Variants in EFCAB11 observed in about 807,000 individuals in gnomAD.
The protein encoded by EFCAB11 is EF-hand calcium-binding domain-containing protein 11.
EFCAB11 carries 14 observed loss-of-function variants against 23.0 expected under a neutral mutation model. The observed-to-expected ratio is 0.61, with a 90% CI of 0.40 to 0.95. EFCAB11 has a LOEUF of 0.95. EFCAB11 is among the 40% of genes least tolerant of loss of function. The probability of loss-of-function intolerance (pLI) is 0.00; values close to 1 mark genes in which losing one functional copy is unlikely to be tolerated. For synonymous variants in EFCAB11, 65 were observed against 66.6 expected (o/e 0.98, Z 0.11); for missense variants, 198 against 195.8 (o/e 1.01, Z -0.07).
chr14:89,801,981 G>T (rs1210851737), intron 5 of EFCAB11, among the ~76,000 whole-genome samples: 1 of 137,442 alleles, frequency 7.3e-6, no homozygotes, highest in Admixed American at 7.4e-5. Flanking sequence ...GCGATAGTGC[G>T]AGACTCTGTC....
chr14:89,954,256 C>T (rs1891334643), intron 1 of EFCAB11: 1 of 1,284,186 alleles, frequency 7.8e-7, no homozygotes, highest in South Asian at 1.3e-5. Context: ...TCATTTAGGC[C>T]ACTGAGATAA....
intron 5 of EFCAB11, among the ~76,000 whole-genome samples, chr14:89,808,458 T>C (rs758753051): frequency 5.3e-5 from 8 of 152,182 alleles, no homozygotes; most frequent in Non-Finnish European, 1.2e-4. Flanking sequence ...TATATAAAAA[T>C]TAAGATTTGC....
chr14:89,918,048 A>G (rs528125449), intron 5 of EFCAB11, among the ~76,000 whole-genome samples: 6 of 152,306 alleles, frequency 3.9e-5, no homozygotes, highest in African/African-American at 1.2e-4. Flanking sequence ...GACAGGGGAC[A>G]ACTGGAGGTA....
intron 5 of EFCAB11, among the ~76,000 whole-genome samples, chr14:89,883,054 C>A (rs1264614361): frequency 6.6e-6 from 1 of 152,106 alleles, no homozygotes; most frequent in African/African-American, 2.4e-5. Context: ...CTCCCCTTTG[C>A]CTTCCACCAA....
In EFCAB11 at chr14:89,856,604, T is replaced by C. The variant is rs368168026; in HGVS notation, c.411-59280A>G. On this transcript the variant is annotated intron_variant, in intron 5 of 5. Coordinates refer to ENST00000316738, the MANE Select transcript of EFCAB11 (RefSeq NM_145231.4). ...ACCTTTGCCAATATTGGTTATCTTT[T>C]AACTTTTTGATAATAGCCATCCTAA... 4.6e-5 allele frequency among the ~76,000 whole-genome samples: 7 copies of C among 152,348 alleles called. No individual in the cohort carries two copies. The East Asian group carries it at 1.2e-3, about 25-fold the overall frequency.
chr14:89,950,165 A>T, intron 2 of EFCAB11, 23 bp from the exon 3 acceptor site: 2 of 1,546,918 alleles, frequency 1.3e-6, no homozygotes, highest in Non-Finnish European at 1.8e-6. Flanking sequence ...AAAAAATAAT[A>T]GAACATGTAA....
At position 89,931,639 on chromosome 14, in the gene EFCAB11, A is replaced by G; in HGVS notation, c.320-8T>C. ...AAGTTAAAAATCCACGATCTATTTG[A>G]AAACAATAAAAAATATTCACTTACT... On this transcript the variant is annotated splice_polypyrimidine_tract_variant and splice_region_variant and intron_variant, in intron 4 of 5. Coordinates refer to ENST00000316738, the MANE Select transcript of EFCAB11 (RefSeq NM_145231.4). 6.2e-7 allele frequency: 1 copy of G among 1,610,498 alleles called. No homozygotes were observed. Among genetic ancestry groups the G allele is most frequent in the Middle Eastern group, 1.7e-4 (1 of 6,054 alleles).
intron 5 of EFCAB11, among the ~76,000 whole-genome samples, chr14:89,806,564 C>T (rs946677889): frequency 2.0e-5 from 3 of 152,090 alleles, no homozygotes; most frequent in African/African-American, 7.2e-5. Flanking sequence ...AATCTGTTTC[C>T]TACACTTCTG....
At chr14:89,893,771 C>T (rs1889062398) in intron 5 of EFCAB11, among the ~76,000 whole-genome samples, 2 of 142,748 alleles carry the variant, frequency 1.4e-5, no homozygotes, top group South Asian at 4.7e-4. Flanking sequence ...TCTGCACACT[C>T]GTCTCCAAAA....
At chr14:89,853,370 G>C (rs1359933416) in intron 5 of EFCAB11, among the ~76,000 whole-genome samples, 7 of 152,194 alleles carry the variant, frequency 4.6e-5, no homozygotes, top group African/African-American at 1.7e-4. Flanking sequence ...AATATATATT[G>C]TTAGCATTTA....
chr14:89,872,916 G>A (rs1439459759), intron 5 of EFCAB11, among the ~76,000 whole-genome samples: 2 of 152,128 alleles, frequency 1.3e-5, no homozygotes, highest in African/African-American at 4.8e-5. Context: ...GTAGCCATCT[G>A]CAAGCCAAAG....
At chr14:89,890,771 G>A (rs148944510) in intron 5 of EFCAB11, among the ~76,000 whole-genome samples, 1 of 152,366 alleles carries the variant, frequency 6.6e-6, no homozygotes, top group African/African-American at 2.4e-5. Flanking sequence ...TTGCCCTGAA[G>A]GCATTCACTC....
At chr14:89,930,476 A>C (rs747724472) in intron 5 of EFCAB11, among the ~76,000 whole-genome samples, 18 of 152,192 alleles carry the variant, frequency 1.2e-4, no homozygotes, top group Non-Finnish European at 1.0e-4. Flanking sequence ...GCAGCTGTGC[A>C]TGACCTTGGA....
chr14:89,802,221 A>AAAAG (rs1316562801), intron 5 of EFCAB11, among the ~76,000 whole-genome samples: 3 of 151,652 alleles, frequency 2.0e-5, no homozygotes, highest in Admixed American at 6.6e-5. Flanking sequence ...AAAAAAAAAA[A>AAAAG]AAAGAAAGAA....
intron 5 of EFCAB11, among the ~76,000 whole-genome samples, chr14:89,805,444 G>T (rs542650961): frequency 6.6e-6 from 1 of 152,188 alleles, no homozygotes; most frequent in Non-Finnish European, 1.5e-5. Context: ...AATTTTGCTT[G>T]CAAGTTGAGA....
chr14:89,903,119 G>C (rs1488713671), intron 5 of EFCAB11, among the ~76,000 whole-genome samples: 1 of 152,206 alleles, frequency 6.6e-6, no homozygotes, highest in African/African-American at 2.4e-5. Flanking sequence ...TACATGTCTA[G>C]TAGAATTTGA....
At chr14:89,820,631 T>C (rs1886484267) in intron 5 of EFCAB11, among the ~76,000 whole-genome samples, 2 of 152,086 alleles carry the variant, frequency 1.3e-5, no homozygotes, top group Non-Finnish European at 2.9e-5. Context: ...TCACAAAGTC[T>C]CTCAGGAGCT....
intron 5 of EFCAB11, among the ~76,000 whole-genome samples, chr14:89,835,644 T>TGTGTGTGTGTG (rs1223325732): frequency 1.5e-3 from 84 of 57,898 alleles, no homozygotes; most frequent in East Asian, 4.1e-3. Context: ...GTGTGTGTGT[T>TGTGTGTGTGTG]TGAGACGTTG....
intron 5 of EFCAB11, among the ~76,000 whole-genome samples, chr14:89,870,700 G>A (rs1305529784): frequency 2.0e-5 from 3 of 150,784 alleles, no homozygotes; most frequent in Non-Finnish European, 4.4e-5. Flanking sequence ...GGAAGGCTGA[G>A]GTAGGTGGAT....
Sources: gnomAD v4.1 joint callset for allele counts (sites outside exome capture counted in the v4.1 genomes callset) on GRCh38, gnomAD v4.1.1 for gene constraint, MANE v1.5 for transcripts, NCBI Gene and HGNC (gene_info 2026-07-23, HGNC 2026-07-21) for gene names.